Variants in CHD2 observed in about 807,000 individuals in gnomAD.
CHD2 encodes chromodomain helicase DNA binding protein 2, also known as ATP-dependent chromatin remodeler CHD2.
In CHD2, 28 loss-of-function variants were observed where a neutral mutation model predicts 243.9. The observed-to-expected ratio is 0.11, with a 90% CI of 0.09 to 0.16. The LOEUF is 0.16. Ranked by LOEUF, CHD2 falls within the 10% of genes least tolerant of loss-of-function variation. The probability of loss-of-function intolerance (pLI) is 1.00; values close to 1 mark genes in which losing one functional copy is unlikely to be tolerated. For missense variants in CHD2, 1,386 were observed against 2,209.8 expected, an observed-to-expected ratio of 0.63 and a Z score of 7.47; for synonymous variants, 775 against 779.0, an observed-to-expected ratio of 0.99 and a Z score of 0.09.
chr15:92,990,040 G>A (rs2054096581), intron 26 of CHD2, among the ~76,000 whole-genome samples: 1 of 152,168 alleles, frequency 6.6e-6, no homozygotes, highest in South Asian at 2.1e-4. Flanking sequence ...AGGCCGTCAT[G>A]GTGTTAAATC....
chr15:92,919,309 T>C (rs2052908447), intron 2 of CHD2, among the ~76,000 whole-genome samples: 1 of 105,720 alleles, frequency 9.5e-6, no homozygotes, highest in South Asian at 2.5e-4. Context: ...TGTTAAGGCT[T>C]TTTTTTTTCT....
At chr15:92,949,785 G>T (rs1164403810) in intron 13 of CHD2, among the ~76,000 whole-genome samples, 1 of 152,166 alleles carries the variant, frequency 6.6e-6, no homozygotes, top group Non-Finnish European at 1.5e-5. Context: ...AGTGCTCAAG[G>T]AATTTTCTCA....
intron 16 of CHD2, among the ~76,000 whole-genome samples, chr15:92,959,356 CTG>C (rs2053656518): frequency 6.6e-6 from 1 of 152,212 alleles, no homozygotes; most frequent in South Asian, 2.1e-4. Flanking sequence ...TGCCTTGACA[CTG>C]TTGTTGAAAC....
intron 17 of CHD2, 57 bp downstream of exon 17, chr15:92,967,570 T>C: frequency 7.6e-7 from 1 of 1,318,610 alleles, no homozygotes. Flanking sequence ...ATGAAACTAT[T>C]AGATAGGAGA....
At chr15:92,982,427 C>T (rs2053991622) in intron 24 of CHD2, among the ~76,000 whole-genome samples, 1 of 152,164 alleles carries the variant, frequency 6.6e-6, no homozygotes, top group East Asian at 1.9e-4. Flanking sequence ...GCCGTGGAGC[C>T]AGTCAGCAGG....
intron 16 of CHD2, 96 bp downstream of exon 16, chr15:92,956,745 A>G (rs1264562685): frequency 3.3e-6 from 4 of 1,200,568 alleles, no homozygotes; most frequent in Admixed American, 4.9e-5. Context: ...AACAGATGGC[A>G]TGGTTTGGGG....
At chr15:92,991,606 C>T (rs1364786949) in intron 27 of CHD2, 89 bp downstream of exon 27, 2 of 882,810 alleles carry the variant, frequency 2.3e-6, no homozygotes. Context: ...CCATTTAATA[C>T]TAATGCTGGG....
At chr15:92,984,005 A>G (rs1567152102) in intron 24 of CHD2, among the ~76,000 whole-genome samples, 1 of 152,174 alleles carries the variant, frequency 6.6e-6, no homozygotes, top group Non-Finnish European at 1.5e-5. Flanking sequence ...ATAAATCTAA[A>G]TTTTATCATT....
intron 11 of CHD2, 36 bp downstream of exon 11, chr15:92,945,901 C>A: frequency 6.6e-7 from 1 of 1,518,748 alleles, no homozygotes; most frequent in South Asian, 1.2e-5. Context: ...TGTTCTTCAA[C>A]ATTTCAGAAC....
chr15:92,946,132 C>T lies in CHD2; in HGVS notation c.1293C>T (p.Ala431=). ...CAGAGTGTAGCTGGGAAGATGAAGC[C>T]CTCATTGGAAAGAAATTCCAGAATT... The part of the protein sequence containing the change: ...PYSECSWEDE[A]LIGKKFQNCI... Residue 431 remains alanine (A), a synonymous_variant, in exon 12 of 39, where the codon GCC becomes GCT. Transcript: ENST00000394196. 4 of 1,613,158 alleles carry T rather than the reference C, an allele frequency of 2.5e-6. No individual in the cohort carries two copies. The highest frequency in any genetic ancestry group is 1.3e-5 in the African/African-American group (1 of 74,954).
rs111544874 is a variant in CHD2 at position 92,979,119 on chromosome 15, G to A, written c.2728-16G>A. 103 of 1,613,364 alleles carry A rather than the reference G, an allele frequency of 6.4e-5. 3 individuals are homozygous for A. The African/African-American group carries it at 8.0e-4, about 13-fold the overall frequency. ...GGGTGGTTCAGGCATAAGCATAACA[G>A]TTCCTTTTCCTACAGGTAAATATTT... On this transcript the variant is annotated splice_polypyrimidine_tract_variant and intron_variant, in intron 21 of 38. Transcript: ENST00000394196.
At chr15:92,933,362 T>G (rs761112399) in intron 5 of CHD2, among the ~76,000 whole-genome samples, 11 of 152,246 alleles carry the variant, frequency 7.2e-5, no homozygotes, top group Non-Finnish European at 1.3e-4. Context: ...CTGGCTTATG[T>G]AACAGTGATG....
intron 12 of CHD2, 40 bp downstream of exon 12, chr15:92,946,256 T>C: frequency 6.6e-7 from 1 of 1,524,084 alleles, no homozygotes; most frequent in Non-Finnish European, 9.0e-7. Flanking sequence ...AGGGAGAAGA[T>C]ATACTGATAA....
chr15:92,977,965 TAG>T (rs1188707869), intron 20 of CHD2, among the ~76,000 whole-genome samples: 11 of 152,354 alleles, frequency 7.2e-5, no homozygotes, highest in African/African-American at 2.4e-4. Context: ...ATATTAGTTG[TAG>T]CCGGGAGGTA....
At chr15:92,972,473 C>T (rs1305691400) in intron 19 of CHD2, 56 bp downstream of exon 19, 3 of 1,443,092 alleles carry the variant, frequency 2.1e-6, no homozygotes, top group Admixed American at 4.5e-5. Flanking sequence ...TCCGCCTCCC[C>T]TCCCCAACCT....
At chr15:92,901,559 T>G in intron 2 of CHD2, 1 of 511,776 alleles carries the variant, frequency 2.0e-6, no homozygotes, top group Non-Finnish European at 3.4e-6. Context: ...AAAGGGGCCT[T>G]TACTGTAATG....
chr15:92,929,017 TCA>T lies in CHD2; in HGVS notation c.382-7_382-6del, dbSNP rs1385050759. On this transcript the variant is annotated splice_polypyrimidine_tract_variant and intron_variant, in intron 4 of 38. Coordinates refer to ENST00000394196, the MANE Select transcript of CHD2 (RefSeq NM_001271.4). The stretch of plus-strand genomic sequence containing the variant: ...AAAGTCTGTAATCATTTTTCCCCCC[TCA>T]CACACTGAAGGCAAGTAGCGGGTCT... 1.9e-6 allele frequency: 3 copies of T among 1,609,942 alleles called. No individual in the cohort carries two copies. The highest frequency in any genetic ancestry group is 2.2e-5 in the South Asian group (2 of 90,356).
intron 16 of CHD2, among the ~76,000 whole-genome samples, chr15:92,959,210 TA>T (rs1211305166): frequency 6.6e-6 from 1 of 152,240 alleles, no homozygotes; most frequent in Non-Finnish European, 1.5e-5. Context: ...CTAGAAGTTC[TA>T]GCTTTTGTAT....
chr15:92,910,691 T>A (rs1309832080), intron 2 of CHD2, among the ~76,000 whole-genome samples: 1 of 152,142 alleles, frequency 6.6e-6, no homozygotes, highest in Non-Finnish European at 1.5e-5. Context: ...CCACTGCGCC[T>A]GGTCCCTGCC....
Sources: allele counts gnomAD v4.1 joint callset (sites outside exome capture counted in the v4.1 genomes callset), GRCh38; gene constraint gnomAD v4.1.1; transcripts MANE v1.5; gene names NCBI Gene and HGNC (gene_info 2026-07-23, HGNC 2026-07-21).